The following ZNF23 variants were observed in gnomAD, a reference collection of about 807,000 sequenced individuals.
The protein encoded by ZNF23 is zinc finger protein 23, also known as kruppel-like zinc finger factor X31.
Under a neutral mutation model 56.2 loss-of-function variants are expected in ZNF23, and 48 were observed. That is an observed-to-expected ratio of 0.85 (90% CI 0.68 to 1.09). The LOEUF (loss-of-function observed/expected upper bound fraction) is 1.09, where lower values mean the gene tolerates loss of function less well. Ranked by LOEUF, ZNF23 falls within the 50% of genes least tolerant of loss-of-function variation. ZNF23 has a pLI of 0.00. For missense variants in ZNF23, 805 were observed against 811.4 expected, an observed-to-expected ratio of 0.99 and a Z score of 0.10; for synonymous variants, 266 against 283.3, an observed-to-expected ratio of 0.94 and a Z score of 0.61.
In ZNF23 at chr16:71,448,330, A is replaced by G. The variant is rs1421144617; in HGVS notation, c.1824T>C (p.Cys608=). 9.3e-6 allele frequency: 15 copies of G among 1,613,870 alleles called. No individual in the cohort carries two copies. The highest frequency in any genetic ancestry group is 1.3e-5 in the Non-Finnish European group (15 of 1,179,932). The change falls in exon 5 of 5, where the codon TGT becomes TGC. Residue 608 remains cysteine (C), a synonymous_variant. Transcript: ENST00000647773. ...GGGCATTAACATGGAAGGCTTTTCCACACTCCTTACACTGAAAGGGTTTCT... is the reference window on the plus strand; with the variant it reads ...GGGCATTAACATGGAAGGCTTTTCCGCACTCCTTACACTGAAAGGGTTTCT... The part of the protein sequence containing the change: ...TGEKPFQCKE[C]GKAFHVNAHL...
At chr16:71,454,664 G>T (rs561764497) in intron 2 of ZNF23, among the ~76,000 whole-genome samples, 1 of 152,166 alleles carries the variant, frequency 6.6e-6, no homozygotes, top group African/African-American at 2.4e-5. Flanking sequence ...CCCCAACAAG[G>T]GGCTGTGCAG....
At position 71,448,994 on chromosome 16, in the gene ZNF23, C is replaced by T. The variant is rs547952151; in HGVS notation, c.1160G>A (p.Gly387Asp). Residue 387 changes from glycine to aspartate, a missense_variant, in exon 5 of 5, where the codon GGC becomes GAC. Gly to Asp is a moderately conservative substitution (Grantham distance 94). Transcript: ENST00000647773. ...KPYECNECGK[G>D]FRCSSQLRQH... The stretch of plus-strand genomic sequence containing the variant: ...CCTAAGCTGGGAGCTGCACCTGAAG[C>T]CTTTTCCACATTCATTACATTCATA... 6.2e-7 allele frequency: 1 copy of T among 1,614,102 alleles called. No homozygotes were observed. Among genetic ancestry groups the T allele is most frequent in the South Asian group, 1.1e-5 (1 of 91,070 alleles).
intron 1 of ZNF23, among the ~76,000 whole-genome samples, chr16:71,460,414 G>C (rs909386823): frequency 7.9e-5 from 12 of 151,986 alleles, no homozygotes; most frequent in Non-Finnish European, 1.3e-4. Flanking sequence ...ATTAAACCAA[G>C]ATGGCCAGTG....
In ZNF23 at chr16:71,449,814, G is replaced by C; in HGVS notation, c.340C>G (p.Gln114Glu). 1.2e-6 allele frequency: 2 copies of C among 1,613,802 alleles called. No homozygotes were observed. Among genetic ancestry groups the C allele is most frequent in the Middle Eastern group, 1.6e-4 (1 of 6,062 alleles). Residue 114 changes from glutamine (Q) to glutamate (E), a missense_variant, in exon 5 of 5, where the codon CAA becomes GAA. Gln to Glu is a conservative substitution (Grantham distance 29). Coordinates refer to ENST00000647773, the MANE Select transcript of ZNF23 (RefSeq NM_001381984.1). ...TCTGTTTCCTGGGAAAAGTCTCTTTGAAGTTCAAATGATACATTCTCTTTT... is the reference window on the plus strand; with the variant it reads ...TCTGTTTCCTGGGAAAAGTCTCTTTCAAGTTCAAATGATACATTCTCTTTT... ...EGKENVSFELQRDFSQETDFS... is the reference protein window; with the variant it reads ...EGKENVSFELERDFSQETDFS...
intron 3 of ZNF23, chr16:71,453,568 G>C (rs1039195573): frequency 1.1e-5 from 6 of 526,868 alleles, no homozygotes; most frequent in Non-Finnish European, 2.0e-5. Context: ...GGGGGTTGGG[G>C]GTGAAGGCTT....
intron 2 of ZNF23, among the ~76,000 whole-genome samples, chr16:71,456,452 G>C (rs766132791): frequency 7.2e-5 from 11 of 152,124 alleles, no homozygotes; most frequent in East Asian, 1.9e-4. Flanking sequence ...CCCCTGCACA[G>C]TACATCCCAC....
chr16:71,459,996 G>T (rs1202367206), intron 1 of ZNF23, among the ~76,000 whole-genome samples: 3 of 152,222 alleles, frequency 2.0e-5, no homozygotes, highest in African/African-American at 7.2e-5. Context: ...AGTCAAGGGT[G>T]TATACCTGCT....
intron 1 of ZNF23, among the ~76,000 whole-genome samples, chr16:71,458,366 AG>A (rs1355852286): frequency 7.9e-5 from 12 of 152,338 alleles, no homozygotes; most frequent in African/African-American, 2.2e-4. Context: ...ACAGAGTTGC[AG>A]AAAATACTGG....
intron 4 of ZNF23, chr16:71,452,387 G>T (rs191607927): frequency 2.6e-5 from 4 of 152,014 alleles, no homozygotes; most frequent in African/African-American, 7.3e-5. Flanking sequence ...AATAACGGGG[G>T]GCCTCGGGGG....
rs759785183 is a variant in ZNF23, at chr16:71,454,164, G to A, written c.38C>T (p.Ser13Leu). The A allele has an allele frequency of 2.0e-5, 33 of 1,612,836 alleles. No homozygotes were observed. In the East Asian group the frequency reaches 2.7e-4, roughly 13 times the overall value. The change falls in exon 3 of 5, where the codon TCG (serine) becomes TTG (leucine). Residue 13 changes from serine (S) to leucine (L), a missense_variant. Transcript: ENST00000647773. Reference protein sequence around the residue: ...AMHLTAWPQKSVTFEDVAVYF... With the variant: ...AMHLTAWPQKLVTFEDVAVYF... ...CACAGCCACGTCCTCAAAGGTCACC[G>A]ACTTCTGAAACAATAGGTTCCTGCT...
intron 1 of ZNF23, among the ~76,000 whole-genome samples, chr16:71,458,292 C>G (rs2043311491): frequency 6.6e-6 from 1 of 152,190 alleles, no homozygotes; most frequent in Non-Finnish European, 1.5e-5. Flanking sequence ...CCCCTAAAGT[C>G]AGTCTTGAAA....
intron 2 of ZNF23, chr16:71,456,173 C>A: frequency 2.4e-6 from 1 of 411,422 alleles, no homozygotes; most frequent in South Asian, 1.8e-5. Flanking sequence ...GCAGGTTCCC[C>A]GCACAACACC....
chr16:71,451,218 C>G (rs1265560223), intron 4 of ZNF23: 1 of 152,162 alleles, frequency 6.6e-6, no homozygotes, highest in Non-Finnish European at 1.5e-5. Flanking sequence ...GCATTTGTTC[C>G]CAACTTTCTC....
chr16:71,452,711 A>T (rs1468691943), intron 4 of ZNF23: 1 of 152,880 alleles, frequency 6.5e-6, no homozygotes, highest in Non-Finnish European at 1.5e-5. Flanking sequence ...GTGTTATCTC[A>T]TTTAAACCTC....
Position 71,453,236 on chromosome 16 carries a change from C to T in ZNF23, c.268+7G>A. On this transcript the variant is annotated splice_region_variant and intron_variant, in intron 4 of 4. Coordinates refer to ENST00000647773, the MANE Select transcript of ZNF23 (RefSeq NM_001381984.1). ...CCAACAGAGTGGGAAATATGTACCT[C>T]CCTTACCAGTCTGGAGGCCCTGGAG... 3.1e-6 allele frequency: 5 copies of T among 1,598,748 alleles called. No individual in the cohort carries two copies. In the South Asian group the frequency reaches 5.6e-5, roughly 18 times the overall value.
rs2042906387 is a variant in ZNF23 at position 71,448,019 on chromosome 16, T to C, written c.*74A>G. 4 of 1,284,988 alleles carry C rather than the reference T, an allele frequency of 3.1e-6. No homozygotes were observed. The highest frequency in any genetic ancestry group is 4.3e-6 in the Non-Finnish European group (4 of 937,174). 79.6% of individuals were successfully genotyped at this position (1,284,988 alleles called of 1,614,324 possible). ...CATATTCATGCCCTCTTGGAGGTTT[T>C]TCAATGGATGAATCTGATGATACTT... is the stretch of plus-strand genomic sequence containing the variant. On this transcript the variant is annotated 3_prime_UTR_variant, in exon 5 of 5. Coordinates refer to ENST00000647773, the MANE Select transcript of ZNF23 (RefSeq NM_001381984.1).
intron 4 of ZNF23, 136 bp from the exon 5 acceptor site, chr16:71,450,021 C>T: frequency 1.6e-6 from 1 of 627,620 alleles, no homozygotes; most frequent in Non-Finnish European, 2.6e-6. Flanking sequence ...TAGGGTTTCT[C>T]CATAAGGTGG....
Position 71,450,164 on chromosome 16 carries a change from G to A in ZNF23, c.269-279C>T, listed in dbSNP as rs1289493080. On this transcript the variant is annotated intron_variant, in intron 4 of 4. Transcript: ENST00000647773. ...GTATATAGAATAGATTTTCAGCTGT[G>A]TAAAGAAAAATATAAAAGACAGATA... The A allele has an allele frequency of 1.2e-5, 3 of 256,828 alleles. No individual in the cohort carries two copies. The Admixed American group carries it at 1.5e-4, about 13-fold the overall frequency. The allele number at this position is 256,828 out of a possible 1,614,324, so 15.9% of individuals were successfully genotyped here. A position where few individuals can be genotyped will look rare whatever the true frequency, so the allele number is the denominator to read the frequency against.
chr16:71,454,537 A>C (rs1044365081), intron 2 of ZNF23, among the ~76,000 whole-genome samples: 1 of 152,044 alleles, frequency 6.6e-6, no homozygotes, highest in Admixed American at 6.5e-5. Context: ...CCCTGCGCCT[A>C]ACCTCAGCCC....
Sources: allele counts gnomAD v4.1 joint callset (sites outside exome capture counted in the v4.1 genomes callset), GRCh38; gene constraint gnomAD v4.1.1; transcripts MANE v1.5; gene names NCBI Gene and HGNC (gene_info 2026-07-23, HGNC 2026-07-21).